The following IGSF11 variants were observed in gnomAD, a reference collection of about 807,000 sequenced individuals.
IGSF11 encodes immunoglobulin superfamily member 11.
Under a neutral mutation model 41.0 loss-of-function variants are expected in IGSF11, and 22 were observed. The ratio of observed to expected loss-of-function variants is 0.54; its 90% CI spans 0.38 to 0.77. The LOEUF is 0.77. Among genes scored for constraint, IGSF11 ranks in the 30% least tolerant of loss-of-function variants. IGSF11 has a pLI of 0.00. For synonymous variants in IGSF11, 219 were observed against 201.3 expected, an observed-to-expected ratio of 1.09 and a Z score of -0.74; for missense variants, 444 against 530.8, an observed-to-expected ratio of 0.84 and a Z score of 1.61.
At chr3:118,917,073 C>T (rs1415290287) in intron 4 of IGSF11, among the ~76,000 whole-genome samples, 1 of 152,066 alleles carries the variant, frequency 6.6e-6, no homozygotes, top group Admixed American at 6.5e-5. Context: ...AACAAAGACA[C>T]AACATAGCAG....
intron 1 of IGSF11, among the ~76,000 whole-genome samples, chr3:118,973,075 T>C (rs1933635013): frequency 6.6e-6 from 1 of 152,240 alleles, no homozygotes; most frequent in South Asian, 2.1e-4. Flanking sequence ...ACTCGCAGTC[T>C]CTCATTCCCA....
chr3:119,135,051 A>G lies in IGSF11; in HGVS notation c.-14+10762T>C, dbSNP rs1239899383. On this transcript the variant is annotated intron_variant, in intron 1 of 7. Transcript: ENST00000425327. The stretch of plus-strand genomic sequence containing the variant: ...TGGATCCCTTCCTTACACCTTACAG[A>G]AAAATTAATTCAAGACGGATTAAAG... Among the ~76,000 whole-genome samples the G allele has an allele frequency of 2.0e-5, 3 of 152,360 alleles. No homozygotes were observed. The East Asian group carries it at 5.8e-4, about 29-fold the overall frequency.
chr3:119,143,694 T>G lies in IGSF11; in HGVS notation c.-14+2119A>C, dbSNP rs2077679020. ...TTGGCAAAATAGATTTTTTTAAATG[T>G]GATCCAACTATATAGTGTAAGATTC... is the stretch of plus-strand genomic sequence containing the variant. On this transcript the variant is annotated intron_variant, in intron 1 of 7. Transcript: ENST00000425327. Among the ~76,000 whole-genome samples, 4 of 152,160 alleles carry G rather than the reference T, an allele frequency of 2.6e-5. No individual in the cohort carries two copies. In the South Asian group the frequency reaches 8.3e-4, roughly 32 times the overall value.
intron 4 of IGSF11, among the ~76,000 whole-genome samples, chr3:118,921,903 G>C (rs1941832610): frequency 6.6e-6 from 1 of 151,836 alleles, no homozygotes; most frequent in African/African-American, 2.4e-5. Context: ...AAATTCTATA[G>C]AATCATCATG....
intron 1 of IGSF11, among the ~76,000 whole-genome samples, chr3:119,099,840 A>C (rs1285583048): frequency 6.6e-6 from 1 of 152,212 alleles, no homozygotes; most frequent in African/African-American, 2.4e-5. Flanking sequence ...CTTCTTATCC[A>C]CTGGGGATAC....
chr3:118,910,199 T>C (rs7610212), intron 4 of IGSF11, among the ~76,000 whole-genome samples: 39,619 of 152,060 alleles, frequency 0.26, 7,129 homozygotes, highest in African/African-American at 0.5. Context: ...TGGCACATGG[T>C]GTTCAAGAAA....
In IGSF11 at chr3:119,034,669, G is replaced by A. The variant is rs1264177377; in HGVS notation, c.-87C>T. The stretch of plus-strand genomic sequence containing the variant: ...CGGGCGTGAGTCTCCGCGCTCTTGG[G>A]GCAGCCTGGTCCTCCCACACCCAGC... On this transcript the variant is annotated 5_prime_UTR_variant, in exon 1 of 7. Coordinates refer to ENST00000393775, the MANE Select transcript of IGSF11 (RefSeq NM_001015887.3). 5.5e-6 allele frequency: 8 copies of A among 1,453,374 alleles called. No homozygotes were observed. The highest frequency in any genetic ancestry group is 1.4e-5 in the African/African-American group (1 of 69,260). 90.0% of individuals were successfully genotyped at this position (1,453,374 alleles called of 1,614,324 possible).
intron 1 of IGSF11, among the ~76,000 whole-genome samples, chr3:118,959,609 G>C (rs79516586): frequency 0.026 from 3,892 of 152,288 alleles, 137 homozygotes; most frequent in African/African-American, 0.088. Flanking sequence ...ACTATGAATA[G>C]TTAGTGGTTT....
intron 1 of IGSF11, among the ~76,000 whole-genome samples, chr3:119,087,432 A>G (rs991381560): frequency 6.6e-6 from 1 of 151,708 alleles, no homozygotes; most frequent in Non-Finnish European, 1.5e-5. Flanking sequence ...ACCATAGAAT[A>G]CTACTAACCC....
chr3:119,055,869 C>CT (rs1415655116), intron 1 of IGSF11, among the ~76,000 whole-genome samples: 1 of 152,210 alleles, frequency 6.6e-6, no homozygotes, highest in Non-Finnish European at 1.5e-5. Flanking sequence ...TCCTGAATGA[C>CT]TACTGGGTAC....
chr3:119,143,645 A>C (rs13086223), intron 1 of IGSF11, among the ~76,000 whole-genome samples: 30,326 of 152,122 alleles, frequency 0.2, 3,295 homozygotes, highest in South Asian at 0.29. Context: ...AGATGGATTA[A>C]ACTTTCCAAT....
At chr3:119,083,202 G>C (rs1436217158) in intron 1 of IGSF11, among the ~76,000 whole-genome samples, 1 of 141,626 alleles carries the variant, frequency 7.1e-6, no homozygotes, top group Non-Finnish European at 1.5e-5. Flanking sequence ...GCATGATCTT[G>C]CTGCGGCCTC....
At chr3:119,136,575 CAAAG>C (rs1482824556) in intron 1 of IGSF11, among the ~76,000 whole-genome samples, 3 of 151,806 alleles carry the variant, frequency 2.0e-5, no homozygotes, top group East Asian at 1.9e-4. Context: ...TAAAAAGAGA[CAAAG>C]AAGGTCACTA....
intron 1 of IGSF11, among the ~76,000 whole-genome samples, chr3:118,943,371 T>C (rs1161864469): frequency 6.6e-6 from 1 of 152,200 alleles, no homozygotes; most frequent in Non-Finnish European, 1.5e-5. Context: ...CTTAATGCCC[T>C]AAGCATTATA....
chr3:118,983,037 A>G (rs1216648862), intron 1 of IGSF11, among the ~76,000 whole-genome samples: 2 of 152,214 alleles, frequency 1.3e-5, no homozygotes, highest in Non-Finnish European at 2.9e-5. Context: ...TTAGTCTACC[A>G]GTTAGAATAA....
intron 1 of IGSF11, among the ~76,000 whole-genome samples, chr3:118,996,255 A>G (rs771329528): frequency 1.3e-5 from 2 of 152,218 alleles, no homozygotes; most frequent in Admixed American, 1.3e-4. Context: ...ATCTCAGTAC[A>G]TGGCACCAGA....
chr3:119,040,446 T>G (rs560914193), intron 1 of IGSF11, among the ~76,000 whole-genome samples: 84 of 152,278 alleles, frequency 5.5e-4, no homozygotes, highest in African/African-American at 1.8e-3. Context: ...TTACTCTTTC[T>G]CTATTGCAAT....
chr3:118,908,938 T>C (rs946962254), intron 4 of IGSF11, among the ~76,000 whole-genome samples: 1 of 152,222 alleles, frequency 6.6e-6, no homozygotes, highest in African/African-American at 2.4e-5. Context: ...ATCTATATTT[T>C]AGTTTCCTCA....
At chr3:118,921,785 C>G (rs1046956870) in intron 4 of IGSF11, among the ~76,000 whole-genome samples, 23 of 152,012 alleles carry the variant, frequency 1.5e-4, no homozygotes, top group African/African-American at 4.6e-4. Flanking sequence ...GGACAAAAAA[C>G]ACATTTTCCA....
Sources: gnomAD v4.1 joint callset for allele counts (sites outside exome capture counted in the v4.1 genomes callset) on GRCh38, gnomAD v4.1.1 for gene constraint, MANE v1.5 for transcripts, NCBI Gene and HGNC (gene_info 2026-07-23, HGNC 2026-07-21) for gene names.